GAS7: variants seen among roughly 807,000 people sequenced by gnomAD.
GAS7 encodes growth arrest-specific protein 7.
A neutral mutation model predicts 71.1 loss-of-function variants in GAS7; 28 were observed. That is an observed-to-expected ratio of 0.39 (90% CI 0.29 to 0.54). The LOEUF (loss-of-function observed/expected upper bound fraction) is 0.54, where lower values mean the gene tolerates loss of function less well. Ranked by LOEUF, GAS7 falls within the 20% of genes least tolerant of loss-of-function variation. GAS7 has a pLI of 0.62. For synonymous variants in GAS7, 258 were observed against 245.8 expected (o/e 1.05, Z -0.46); for missense variants, 436 against 627.8 (o/e 0.69, Z 3.27).
chr17:10,065,973 A>G (rs1187234336), intron 1 of GAS7, among the ~76,000 whole-genome samples: 1 of 151,894 alleles, frequency 6.6e-6, no homozygotes, highest in Non-Finnish European at 1.5e-5. Context: ...GGAGCCCCAA[A>G]GGAGGTCTAT....
chr17:10,059,753 C>G (rs2073198016), intron 1 of GAS7: 1 of 985,054 alleles, frequency 1.0e-6, no homozygotes, highest in Non-Finnish European at 1.2e-6. Context: ...GCCACCATCC[C>G]CACATCCGCT....
chr17:10,194,985 G>T (rs141533239), intron 1 of GAS7, among the ~76,000 whole-genome samples: 2 of 152,080 alleles, frequency 1.3e-5, no homozygotes, highest in Non-Finnish European at 2.9e-5. Context: ...TGGCTGTAAG[G>T]CCTATTCCTT....
At chr17:9,927,929 C>T (rs1385856870) in intron 9 of GAS7, among the ~76,000 whole-genome samples, 1 of 152,110 alleles carries the variant, frequency 6.6e-6, no homozygotes, top group Non-Finnish European at 1.5e-5. Context: ...AAGGGAACCG[C>T]CCTGTATCCC....
At chr17:10,058,962 C>T (rs1012321007) in intron 1 of GAS7, among the ~76,000 whole-genome samples, 6 of 152,378 alleles carry the variant, frequency 3.9e-5, no homozygotes, top group Middle Eastern at 3.4e-3. Flanking sequence ...GTTCATTACA[C>T]GTCTCCGGCT....
chr17:9,974,726 AGAG>A lies in GAS7; in HGVS notation c.386-4967_386-4965del, dbSNP rs1298832401. On this transcript the variant is annotated intron_variant, in intron 3 of 13. Coordinates refer to ENST00000432992, the MANE Select transcript of GAS7 (RefSeq NM_201433.2). The surrounding 1 kb of genome is among the most constrained non-coding windows in gnomAD (Gnocchi z 4.0). ...GAGGGGACAGATATTTGGGTAGAAA[AGAG>A]GAGGGAGGTCTGGGTAGGGAGAAGT... 6.6e-6 allele frequency among the ~76,000 whole-genome samples: 1 copy of A among 152,128 alleles called. No individual in the cohort carries two copies. The highest frequency in any genetic ancestry group is 2.4e-5 in the African/African-American group (1 of 41,414).
intron 2 of GAS7, among the ~76,000 whole-genome samples, chr17:9,996,607 G>C (rs1232487119): frequency 6.7e-6 from 1 of 149,650 alleles, no homozygotes. Context: ...GTGTGTGTGT[G>C]TGTATATATA....
intron 2 of GAS7, among the ~76,000 whole-genome samples, chr17:10,005,164 C>CGT (rs1156629729): frequency 5.0e-5 from 5 of 99,022 alleles, no homozygotes; most frequent in Non-Finnish European, 2.7e-5. Context: ...CATGTGTGTG[C>CGT]GCACGCATGC....
chr17:10,164,312 C>T (rs1476741415), intron 1 of GAS7, among the ~76,000 whole-genome samples: 2 of 151,778 alleles, frequency 1.3e-5, no homozygotes, highest in African/African-American at 2.4e-5. Flanking sequence ...CTTGGTGGTG[C>T]GCGCTTGTAG....
At chr17:10,098,043 C>CA (rs34381280) in intron 1 of GAS7, among the ~76,000 whole-genome samples, 102 of 136,818 alleles carry the variant, frequency 7.5e-4, no homozygotes, top group East Asian at 1.8e-3. Flanking sequence ...GACTCCATCT[C>CA]AAAAAAAAAA....
chr17:10,034,881 T>C lies in GAS7; in HGVS notation c.184-14984A>G, dbSNP rs1597731415. On this transcript the variant is annotated intron_variant, in intron 1 of 13. Coordinates refer to ENST00000432992, the MANE Select transcript of GAS7 (RefSeq NM_201433.2). The surrounding 1 kb of genome is among the most constrained non-coding windows in gnomAD (Gnocchi z 4.4). ...AGCCACGTGAGTGGTCTTAGCTCTA[T>C]TTGCCTAGCAACTGGATTTCTGCCC... Among the ~76,000 whole-genome samples, 1 of 152,156 alleles carries C rather than the reference T, an allele frequency of 6.6e-6. No individual in the cohort carries two copies. Among genetic ancestry groups the C allele is most frequent in the Non-Finnish European group, 1.5e-5 (1 of 68,024 alleles).
chr17:9,982,858 AAAG>A (rs1567853303), intron 2 of GAS7, among the ~76,000 whole-genome samples: 10 of 149,750 alleles, frequency 6.7e-5, no homozygotes, highest in African/African-American at 2.2e-4. Flanking sequence ...AGAAAGAAAG[AAAG>A]AAAGAAAGCA....
At position 10,016,217 on chromosome 17, in the gene GAS7, C is replaced by G. The variant is rs562303384; in HGVS notation, c.304+3560G>C. Among the ~76,000 whole-genome samples, 10 of 151,872 alleles carry G rather than the reference C, an allele frequency of 6.6e-5. No homozygotes were observed. In the South Asian group the frequency reaches 2.1e-3, roughly 32 times the overall value. On this transcript the variant is annotated intron_variant, in intron 2 of 13. Transcript: ENST00000432992. ...TGGCTAACACGGTGAAACCCCATCT[C>G]TACTAAAAATACAAAAAATTAGCCA... is the stretch of plus-strand genomic sequence containing the variant.
Position 10,198,447 on chromosome 17 carries a change from G to T in GAS7, c.-57C>A. 2 of 1,308,192 alleles carry T rather than the reference G, an allele frequency of 1.5e-6. No homozygotes were observed. The highest frequency in any genetic ancestry group is 2.0e-6 in the Non-Finnish European group (2 of 1,004,754). 81.0% of individuals were successfully genotyped at this position (1,308,192 alleles called of 1,614,324 possible). ...GCATTCCCGCCGAGCCCCACGGGCT[G>T]GGCAGCGGCTCCGCGGGGTCCCAGG... On this transcript the variant is annotated 5_prime_UTR_variant, in exon 1 of 14. Transcript: ENST00000432992.
Position 10,153,884 on chromosome 17 carries a change from T to C in GAS7, c.183+44324A>G, listed in dbSNP as rs557744963. Among the ~76,000 whole-genome samples, 5 of 152,106 alleles carry C rather than the reference T, an allele frequency of 3.3e-5. No individual in the cohort carries two copies. In the East Asian group the frequency reaches 5.8e-4, roughly 18 times the overall value. ...GAGTTCAAGACCGGCCTGGGCAACATAAAAAGATTCATCTCTATAAAAACA... is the reference window on the plus strand; with the variant it reads ...GAGTTCAAGACCGGCCTGGGCAACACAAAAAGATTCATCTCTATAAAAACA... On this transcript the variant is annotated intron_variant, in intron 1 of 13. Coordinates refer to ENST00000432992, the MANE Select transcript of GAS7 (RefSeq NM_201433.2).
At chr17:10,059,697 C>G (rs902131877) in intron 1 of GAS7, 2 of 985,058 alleles carry the variant, frequency 2.0e-6, no homozygotes, top group Non-Finnish European at 2.4e-6. Context: ...CTCACCTCAG[C>G]CTTGTGGTGT....
chr17:10,111,161 G>A (rs1320999963), intron 1 of GAS7, among the ~76,000 whole-genome samples: 1 of 152,134 alleles, frequency 6.6e-6, no homozygotes, highest in East Asian at 1.9e-4. Flanking sequence ...AGCAGTTTGG[G>A]AGGCTGAGAT....
intron 2 of GAS7, among the ~76,000 whole-genome samples, chr17:9,984,831 G>A (rs1197398619): frequency 6.6e-6 from 1 of 152,202 alleles, no homozygotes; most frequent in African/African-American, 2.4e-5. Flanking sequence ...GCCCGGTGGA[G>A]CTTCGATGAG....
intron 3 of GAS7, among the ~76,000 whole-genome samples, chr17:9,970,694 T>TAA (rs888305839): frequency 2.0e-5 from 3 of 152,112 alleles, no homozygotes; most frequent in African/African-American, 7.2e-5. Context: ...TCTACCCTTA[T>TAA]AACTTTATGT....
intron 2 of GAS7, among the ~76,000 whole-genome samples, chr17:9,987,985 G>A (rs540290640): frequency 8.5e-5 from 13 of 152,192 alleles, no homozygotes; most frequent in Non-Finnish European, 1.3e-4. Flanking sequence ...GGCTTGTGCC[G>A]GCTCTCTGCT....
Sources: gnomAD v4.1 joint callset for allele counts (sites outside exome capture counted in the v4.1 genomes callset) on GRCh38, gnomAD v4.1.1 for gene constraint, Gnocchi (gnomAD v3.1) non-coding constraint, MANE v1.5 for transcripts, NCBI Gene and HGNC (gene_info 2026-07-23, HGNC 2026-07-21) for gene names.